The following PAN3 variants were observed in gnomAD, a reference collection of about 807,000 sequenced individuals.
The protein encoded by PAN3 is poly(A) specific ribonuclease subunit PAN3.
PAN3 carries 19 observed loss-of-function variants against 96.2 expected under a neutral mutation model. The observed-to-expected ratio is 0.20, with a 90% CI of 0.14 to 0.29. PAN3 has a LOEUF of 0.29. PAN3 is among the 10% of genes least tolerant of loss of function. The pLI is 1.00. For missense variants in PAN3, 882 were observed against 1,108.1 expected (o/e 0.80, Z 2.90); for synonymous variants, 433 against 406.6 (o/e 1.06, Z -0.78).
At chr13:28,232,530 A>T (rs1384743478) in intron 6 of PAN3, 1 of 152,184 alleles carries the variant, frequency 6.6e-6, no homozygotes, top group Non-Finnish European at 1.5e-5. Flanking sequence ...ATACGCTAAA[A>T]TTAGAACAGT....
intron 5 of PAN3, among the ~76,000 whole-genome samples, chr13:28,218,044 C>T (rs1881002553): frequency 6.6e-6 from 1 of 151,704 alleles, no homozygotes; most frequent in South Asian, 2.1e-4. Context: ...CCTTATCTTT[C>T]AAAAAATTAT....
intron 1 of PAN3, among the ~76,000 whole-genome samples, chr13:28,168,550 C>G (rs963357305): frequency 3.9e-5 from 6 of 152,078 alleles, no homozygotes; most frequent in African/African-American, 1.4e-4. Context: ...GAAACTTTGT[C>G]TATACTAAAA....
rs187900248 is a variant in PAN3 at position 28,271,482 on chromosome 13, G to T, written c.1959-499G>T. Among the ~76,000 whole-genome samples the T allele has an allele frequency of 5.3e-5, 8 of 152,260 alleles. No homozygotes were observed. The East Asian group carries it at 1.5e-3, about 29-fold the overall frequency. On this transcript the variant is annotated intron_variant, in intron 13 of 18. Coordinates refer to ENST00000380958, the MANE Select transcript of PAN3 (RefSeq NM_175854.8). ...TTTGATAGTTTACTGTCGATATGCCGTTGAACAAGTTACTTCTTCAAATTG... is the reference window on the plus strand; with the variant it reads ...TTTGATAGTTTACTGTCGATATGCCTTTGAACAAGTTACTTCTTCAAATTG...
intron 1 of PAN3, among the ~76,000 whole-genome samples, chr13:28,152,022 A>T (rs1045330612): frequency 2.0e-5 from 3 of 152,172 alleles, no homozygotes; most frequent in African/African-American, 7.2e-5. Flanking sequence ...AGAACTTGGG[A>T]AACACAAATC....
chr13:28,179,324 A>G (rs960710443), intron 4 of PAN3, among the ~76,000 whole-genome samples: 2 of 152,238 alleles, frequency 1.3e-5, no homozygotes, highest in Admixed American at 6.5e-5. Flanking sequence ...AGCGAATACA[A>G]CCTGGAAATC....
chr13:28,158,324 A>G (rs1872483587), intron 1 of PAN3, among the ~76,000 whole-genome samples: 1 of 152,222 alleles, frequency 6.6e-6, no homozygotes, highest in African/African-American at 2.4e-5. Flanking sequence ...AGCAATGGCG[A>G]CAACAACAAA....
chr13:28,155,126 T>G (rs1279721409), intron 1 of PAN3, among the ~76,000 whole-genome samples: 1 of 151,960 alleles, frequency 6.6e-6, no homozygotes, highest in Admixed American at 6.6e-5. Context: ...ACTTTGCGGT[T>G]TTTAAAACAA....
chr13:28,237,344 G>A (rs1321951285), intron 6 of PAN3, among the ~76,000 whole-genome samples: 1 of 152,084 alleles, frequency 6.6e-6, no homozygotes, highest in Non-Finnish European at 1.5e-5. Flanking sequence ...TAATAAGACT[G>A]GAAAAGATGG....
chr13:28,202,993 C>CT (rs758205517), intron 5 of PAN3, among the ~76,000 whole-genome samples: 21 of 152,102 alleles, frequency 1.4e-4, no homozygotes, highest in Non-Finnish European at 2.9e-4. Flanking sequence ...GACAGGGTCT[C>CT]ACTCTGTTGC....
At chr13:28,170,694 C>T (rs1243058218) in intron 1 of PAN3, among the ~76,000 whole-genome samples, 1 of 152,140 alleles carries the variant, frequency 6.6e-6, no homozygotes, top group Non-Finnish European at 1.5e-5. Context: ...AGGAACCTCT[C>T]CCCTTATGGA....
intron 6 of PAN3, among the ~76,000 whole-genome samples, chr13:28,234,506 A>G (rs895418558): frequency 5.9e-5 from 9 of 152,182 alleles, no homozygotes; most frequent in African/African-American, 2.2e-4. Context: ...AGGGTTTTAA[A>G]CTGATTAATT....
intron 6 of PAN3, among the ~76,000 whole-genome samples, chr13:28,241,337 T>C (rs1189414644): frequency 2.0e-5 from 3 of 152,192 alleles, no homozygotes; most frequent in African/African-American, 7.2e-5. Context: ...TATATAGTCA[T>C]CTGGAGCTTG....
chr13:28,145,757 AT>A (rs895808998), intron 1 of PAN3, among the ~76,000 whole-genome samples: 1,820 of 124,432 alleles, frequency 0.015, 16 homozygotes, highest in African/African-American at 0.04. Flanking sequence ...TGCCAAGCTA[AT>A]TTTTTTTTTT....
chr13:28,261,743 C>T (rs1447952516), intron 9 of PAN3, among the ~76,000 whole-genome samples: 2 of 149,542 alleles, frequency 1.3e-5, no homozygotes, highest in Non-Finnish European at 3.0e-5. Flanking sequence ...GCAGGAGGAT[C>T]ACTTGAGCCT....
At chr13:28,288,167 T>C (rs757529993) in intron 18 of PAN3, 45 bp downstream of exon 18, 1 of 1,525,430 alleles carries the variant, frequency 6.6e-7, no homozygotes, top group Non-Finnish European at 8.9e-7. Flanking sequence ...CTGCCTATAA[T>C]TTGTATAGAG....
intron 3 of PAN3, 140 bp downstream of exon 3, chr13:28,176,699 A>T (rs1875055276): frequency 7.3e-6 from 6 of 824,068 alleles, no homozygotes; most frequent in Non-Finnish European, 1.1e-5. Flanking sequence ...TCCCACTCAG[A>T]TCTAACTATT....
intron 15 of PAN3, among the ~76,000 whole-genome samples, chr13:28,279,079 G>A (rs938150829): frequency 6.6e-6 from 1 of 151,828 alleles, no homozygotes; most frequent in African/African-American, 2.4e-5. Context: ...GCAGAAGAGT[G>A]AAGGAGTGAG....
chr13:28,204,366 T>G (rs541461608), intron 5 of PAN3, among the ~76,000 whole-genome samples: 1 of 152,360 alleles, frequency 6.6e-6, no homozygotes, highest in African/African-American at 2.4e-5. Flanking sequence ...TGCCATTGCT[T>G]GGGCTTGAAA....
intron 14 of PAN3, among the ~76,000 whole-genome samples, chr13:28,276,864 T>C (rs1243019348): frequency 6.6e-6 from 1 of 152,192 alleles, no homozygotes; most frequent in Non-Finnish European, 1.5e-5. Flanking sequence ...TTTGTTGTAA[T>C]AGAGAAGAAT....
Sources: allele counts gnomAD v4.1 joint callset (sites outside exome capture counted in the v4.1 genomes callset), GRCh38; gene constraint gnomAD v4.1.1; transcripts MANE v1.5; gene names NCBI Gene and HGNC (gene_info 2026-07-23, HGNC 2026-07-21).